Variants in TEX9 observed in about 807,000 individuals in gnomAD.
TEX9 encodes testis expressed 9.
A neutral mutation model predicts 59.6 loss-of-function variants in TEX9; 74 were observed. The observed-to-expected ratio is 1.24, with a 90% confidence interval of 1.03 to 1.51. TEX9 has a LOEUF of 1.51. TEX9 is among the 40% of genes most tolerant of loss of function. The probability of loss-of-function intolerance (pLI) is 0.00; values close to 1 mark genes in which losing one functional copy is unlikely to be tolerated. For synonymous variants in TEX9, 186 were observed against 152.2 expected (o/e 1.22, Z -1.64); for missense variants, 522 against 447.8 (o/e 1.17, Z -1.49).
At chr15:56,434,000 A>T in intron 12 of TEX9, 2 of 939,198 alleles carry the variant, frequency 2.1e-6, no homozygotes, top group African/African-American at 3.5e-5. Context: ...AAAAATGGTC[A>T]GAAAATTTAT....
chr15:56,354,974 T>C (rs1260785475), intron 1 of TEX9, among the ~76,000 whole-genome samples: 1 of 152,188 alleles, frequency 6.6e-6, no homozygotes, highest in Non-Finnish European at 1.5e-5. Flanking sequence ...TGAGGAATAA[T>C]TTACATACAA....
chr15:56,410,222 T>C (rs1442921785), intron 9 of TEX9: 3 of 152,326 alleles, frequency 2.0e-5, no homozygotes, highest in South Asian at 2.1e-4. Context: ...TCTGAAACCA[T>C]ATCTGATTAT....
At chr15:56,313,722 T>C (rs1426244025) in intron 1 of TEX9, among the ~76,000 whole-genome samples, 147 of 142,556 alleles carry the variant, frequency 1.0e-3, no homozygotes, top group African/African-American at 3.4e-3. Flanking sequence ...TTAGAAGGAA[T>C]GGTACCAGTT....
chr15:56,336,027 T>G (rs1448994123), intron 1 of TEX9, among the ~76,000 whole-genome samples: 6 of 152,208 alleles, frequency 3.9e-5, no homozygotes, highest in African/African-American at 2.4e-5. Flanking sequence ...TGATTTGGAT[T>G]TTACCTGCAT....
chr15:56,244,824 C>G (rs534419536), intron 1 of TEX9, among the ~76,000 whole-genome samples: 47 of 151,946 alleles, frequency 3.1e-4, no homozygotes, highest in African/African-American at 8.9e-4. Flanking sequence ...ACCATTCCCC[C>G]CCTTCCCATT....
At chr15:56,363,781 T>C (rs1287250436), upstream of TEX9, among the ~76,000 whole-genome samples, 1 of 151,828 alleles carries the variant, frequency 6.6e-6, no homozygotes, top group African/African-American at 2.4e-5. Context: ...TCCTCCCACC[T>C]CAGTCTCCTA....
intron 1 of TEX9, among the ~76,000 whole-genome samples, chr15:56,263,575 A>G (rs1161112702): frequency 6.6e-6 from 1 of 152,046 alleles, no homozygotes; most frequent in African/African-American, 2.4e-5. Context: ...ACTTCCATAC[A>G]GTAAAGTTCA....
At chr15:56,340,624 C>T (rs1399732539) in intron 1 of TEX9, among the ~76,000 whole-genome samples, 1 of 152,034 alleles carries the variant, frequency 6.6e-6, no homozygotes. Flanking sequence ...TCTCTTATTC[C>T]ACTCTATGCT....
At chr15:56,331,120 G>C (rs1437853661) in intron 1 of TEX9, among the ~76,000 whole-genome samples, 1 of 152,134 alleles carries the variant, frequency 6.6e-6, no homozygotes. Flanking sequence ...TTGAATATAT[G>C]TGCAGCCAAC....
intron 1 of TEX9, among the ~76,000 whole-genome samples, chr15:56,296,724 G>A (rs1008554859): frequency 6.6e-6 from 1 of 152,148 alleles, no homozygotes; most frequent in Admixed American, 6.5e-5. Flanking sequence ...TTTGAATATA[G>A]GTGAGTCTAA....
chr15:56,292,810 C>T (rs2045127246), intron 1 of TEX9, among the ~76,000 whole-genome samples: 1 of 152,178 alleles, frequency 6.6e-6, no homozygotes, highest in South Asian at 2.1e-4. Context: ...TACTAAGCCC[C>T]TTGCCTCAAG....
the TEX9 span, among the ~76,000 whole-genome samples, chr15:56,459,990 C>CAAAAAAAAAAAAAAAAAA: frequency 4.5e-4 from 5 of 11,114 alleles, no homozygotes; most frequent in African/African-American, 1.8e-3. Flanking sequence ...AATTCTGTCT[C>CAAAAAAAAAAAAAAAAAA]AAAAAAAAAA....
chr15:56,385,960 GAA>G (rs1419455452), intron 4 of TEX9, among the ~76,000 whole-genome samples: 7 of 151,916 alleles, frequency 4.6e-5, no homozygotes, highest in African/African-American at 1.7e-4. Context: ...TTACCCAAGA[GAA>G]ATATAGACAT....
intron 10 of TEX9, among the ~76,000 whole-genome samples, chr15:56,417,856 C>G (rs1420521122): frequency 6.6e-6 from 1 of 151,908 alleles, no homozygotes; most frequent in Non-Finnish European, 1.5e-5. Flanking sequence ...CCTTATGAAT[C>G]TGGGTGCTTC....
At chr15:56,321,536 G>GGTATA (rs2045903926) in intron 1 of TEX9, among the ~76,000 whole-genome samples, 3 of 152,106 alleles carry the variant, frequency 2.0e-5, no homozygotes, top group South Asian at 4.1e-4. Context: ...GCCATTATAT[G>GGTATA]AAAAGGTAAT....
chr15:56,316,524 C>T (rs1454440503), intron 1 of TEX9, among the ~76,000 whole-genome samples: 51 of 150,826 alleles, frequency 3.4e-4, no homozygotes, highest in East Asian at 4.0e-4. Flanking sequence ...TCTCCAGCTG[C>T]GTGCTGGGAG....
intron 1 of TEX9, among the ~76,000 whole-genome samples, chr15:56,282,319 T>C (rs554069018): frequency 6.6e-6 from 1 of 152,298 alleles, no homozygotes; most frequent in African/African-American, 2.4e-5. Context: ...ATATATTCTC[T>C]GCAAGAATAG....
chr15:56,248,202 G>T (rs149918076), intron 1 of TEX9, among the ~76,000 whole-genome samples: 91 of 152,320 alleles, frequency 6.0e-4, no homozygotes, highest in African/African-American at 2.0e-3. Flanking sequence ...CAAGATTACA[G>T]AAGAGGGAAG....
chr15:56,293,026 C>T (rs182222718), intron 1 of TEX9, among the ~76,000 whole-genome samples: 201 of 152,264 alleles, frequency 1.3e-3, no homozygotes, highest in Non-Finnish European at 2.4e-3. Flanking sequence ...TACTTCTAAG[C>T]GATCATGACT....
Sources: allele counts gnomAD v4.1 joint callset (sites outside exome capture counted in the v4.1 genomes callset), GRCh38; gene constraint gnomAD v4.1.1; transcripts MANE v1.5; gene names NCBI Gene and HGNC (gene_info 2026-07-23, HGNC 2026-07-21).